The following CHD6 variants were observed in gnomAD, a reference collection of about 807,000 sequenced individuals.
The protein encoded by CHD6 is ATP-dependent chromatin remodeler CHD6.
A neutral mutation model predicts 276.9 loss-of-function variants in CHD6; 50 were observed. The observed-to-expected ratio is 0.18, with a 90% CI of 0.14 to 0.23. CHD6 has a LOEUF of 0.23. CHD6 is among the 10% of genes least tolerant of loss of function. CHD6 has a pLI of 1.00. For missense variants in CHD6, 2,564 were observed against 3,365.8 expected, an observed-to-expected ratio of 0.76 and a Z score of 5.89; for synonymous variants, 1,173 against 1,229.3, an observed-to-expected ratio of 0.95 and a Z score of 0.96.
intron 2 of CHD6, chr20:41,547,916 AACT>A: frequency 3.6e-6 from 1 of 277,664 alleles, no homozygotes; most frequent in Non-Finnish European, 7.1e-6. Context: ...TGGAATGCCC[AACT>A]AGTTAAGAAG....
chr20:41,467,722 A>C (rs151172782), intron 17 of CHD6, among the ~76,000 whole-genome samples: 47 of 152,102 alleles, frequency 3.1e-4, no homozygotes, highest in Non-Finnish European at 6.5e-4. Flanking sequence ...TCTGTCAGAT[A>C]AGTCAGTCAA....
chr20:41,601,058 T>A (rs1178097595), intron 1 of CHD6, among the ~76,000 whole-genome samples: 1 of 152,182 alleles, frequency 6.6e-6, no homozygotes, highest in East Asian at 1.9e-4. Context: ...TTCCAGGAAT[T>A]TTCACTTAAT....
Position 41,415,604 on chromosome 20 carries a change from T to A in CHD6, c.6521A>T (p.Glu2174Val). ...CTCATAGGGACGCCTGTGCTTTTGT[T>A]CATCCTTTGTGAATACTGGAGCTAA... ...SFLAPVFTKD[E>V]QKHRRPYEFE... Residue 2174 changes from glutamate to valine, a missense_variant, in exon 34 of 37, where the codon GAA becomes GTA. Coordinates refer to ENST00000373233, the MANE Select transcript of CHD6 (RefSeq NM_032221.5). 6.2e-7 allele frequency: 1 copy of A among 1,607,720 alleles called. No homozygotes were observed. Among genetic ancestry groups the A allele is most frequent in the South Asian group, 1.1e-5 (1 of 89,948 alleles).
intron 35 of CHD6, among the ~76,000 whole-genome samples, chr20:41,412,599 T>G (rs1367243966): frequency 1.3e-5 from 2 of 152,238 alleles, no homozygotes; most frequent in Non-Finnish European, 2.9e-5. Flanking sequence ...CACTGCTACT[T>G]GCCTGGCTGG....
At chr20:41,410,550 C>T (rs2046811589) in intron 36 of CHD6, among the ~76,000 whole-genome samples, 1 of 152,226 alleles carries the variant, frequency 6.6e-6, no homozygotes, top group South Asian at 2.1e-4. Flanking sequence ...GCAGGAGATA[C>T]ACGGGTGCCC....
intron 7 of CHD6, chr20:41,497,960 C>T: frequency 1.8e-6 from 1 of 545,794 alleles, no homozygotes; most frequent in Non-Finnish European, 3.3e-6. Context: ...GGAGCAAAGG[C>T]TTTAGAGGTT....
In CHD6 at chr20:41,413,420, G is replaced by A; in HGVS notation, c.7035C>T (p.Ala2345=). ...GAATGGATTTCTCGGCTTGGCTGCT[G>A]GCTGCCGTAGCTGGCTCAGGAGCCG... ...ATSAPEPATA[A]SSQAEKSIPS... Residue 2345 remains alanine (A), a synonymous_variant, in exon 35 of 37, where the codon GCC becomes GCT. Transcript: ENST00000373233. 1 of 1,612,052 alleles carries A rather than the reference G, an allele frequency of 6.2e-7. No individual in the cohort carries two copies. The highest frequency in any genetic ancestry group is 8.5e-7 in the Non-Finnish European group (1 of 1,179,910).
In CHD6 at chr20:41,417,242, G is replaced by A. The variant is rs1406084282; in HGVS notation, c.6235C>T (p.Leu2079=). The part of the protein sequence containing the change: ...QEARAPTIAQ[L]LQEKTLYSFS... ...GAATAGAGAGTTTTCTCCTGTAGCA[G>A]CTGAGCAATAGTGGGAGCTCGAGCC... Residue 2079 remains leucine, a synonymous_variant, in exon 32 of 37, where the codon CTG becomes TTG. Transcript: ENST00000373233. 6.2e-7 allele frequency: 1 copy of A among 1,613,968 alleles called. No individual in the cohort carries two copies. The highest frequency in any genetic ancestry group is 1.7e-5 in the Admixed American group (1 of 59,980).
At chr20:41,561,117 T>C (rs1327386273) in intron 1 of CHD6, among the ~76,000 whole-genome samples, 1 of 152,232 alleles carries the variant, frequency 6.6e-6, no homozygotes, top group Non-Finnish European at 1.5e-5. Context: ...AATTCTGCTG[T>C]GATGTGAAAA....
rs1476598406 is a variant in CHD6 at position 41,454,771 on chromosome 20, G to A, written c.3010-35C>T. On this transcript the variant is annotated intron_variant, in intron 19 of 36. Transcript: ENST00000373233. ...AGACAAGAATTAATAAACTGTGCTT[G>A]AACACAATACAAACTAATAAAACAC... 7 of 1,455,316 alleles carry A rather than the reference G, an allele frequency of 4.8e-6. No homozygotes were observed. In the Admixed American group the frequency reaches 6.9e-5, roughly 14 times the overall value. 90.2% of individuals were successfully genotyped at this position (1,455,316 alleles called of 1,614,324 possible).
intron 23 of CHD6, 90 bp downstream of exon 23, chr20:41,450,856 G>A (rs2048216589): frequency 8.4e-7 from 1 of 1,193,882 alleles, no homozygotes; most frequent in African/African-American, 1.5e-5. Context: ...AGTAGCACAA[G>A]AGCATGAAGT....
At chr20:41,522,770 A>G (rs1363390644) in intron 3 of CHD6, among the ~76,000 whole-genome samples, 1 of 152,202 alleles carries the variant, frequency 6.6e-6, no homozygotes, top group East Asian at 1.9e-4. Flanking sequence ...ATTCCACTGC[A>G]GAAGTGGATA....
Position 41,420,589 on chromosome 20 carries a change from C to G in CHD6, c.6046G>C (p.Glu2016Gln), listed in dbSNP as rs1460731684. Reference protein sequence around the residue: ...GQNVFPTYPLEGSELKSEDMD... With the variant: ...GQNVFPTYPLQGSELKSEDMD... ...TCTTCTGATTTGAGCTCACTTCCTT[C>G]AAGAGGATATGTGGGGAAAACGTTT... Residue 2016 changes from glutamate to glutamine, a missense_variant, in exon 31 of 37, where the codon GAA (glutamate) becomes CAA (glutamine). Coordinates refer to ENST00000373233, the MANE Select transcript of CHD6 (RefSeq NM_032221.5). The G allele has an allele frequency of 6.2e-7, 1 of 1,614,192 alleles. No homozygotes were observed. The highest frequency in any genetic ancestry group is 1.7e-5 in the Admixed American group (1 of 60,036).
At chr20:41,467,219 A>T (rs1378926068) in intron 17 of CHD6, among the ~76,000 whole-genome samples, 1 of 152,202 alleles carries the variant, frequency 6.6e-6, no homozygotes, top group Admixed American at 6.5e-5. Flanking sequence ...GATAAGTCCC[A>T]TCACATTTAA....
At chr20:41,549,142 G>C (rs2146138945) in intron 2 of CHD6, among the ~76,000 whole-genome samples, 1 of 151,444 alleles carries the variant, frequency 6.6e-6, no homozygotes, top group East Asian at 2.0e-4. Context: ...CCCATTACTG[G>C]GTATATACCC....
At chr20:41,477,369 C>T (rs2043191188) in intron 16 of CHD6, among the ~76,000 whole-genome samples, 1 of 152,020 alleles carries the variant, frequency 6.6e-6, no homozygotes, top group African/African-American at 2.4e-5. Flanking sequence ...TAATATCTCC[C>T]TATATTTCAT....
chr20:41,462,490 A>G (rs1385596339), intron 17 of CHD6, among the ~76,000 whole-genome samples: 2 of 152,222 alleles, frequency 1.3e-5, no homozygotes, highest in Non-Finnish European at 2.9e-5. Context: ...AAGGTTAGCA[A>G]TCCTGAAACT....
intron 20 of CHD6, 106 bp from the exon 21 acceptor site, chr20:41,453,048 C>G (rs535674592): frequency 4.7e-6 from 4 of 845,068 alleles, no homozygotes; most frequent in Non-Finnish European, 7.8e-6. Context: ...CATGCCCCGT[C>G]TCATCCTCCA....
chr20:41,451,496 G>A (rs1447424979), intron 22 of CHD6, among the ~76,000 whole-genome samples: 3 of 152,216 alleles, frequency 2.0e-5, no homozygotes, highest in Admixed American at 6.5e-5. Context: ...ACAGACAGAG[G>A]TGGGACAGGG....
Sources: gnomAD v4.1 joint callset for allele counts (sites outside exome capture counted in the v4.1 genomes callset) on GRCh38, gnomAD v4.1.1 for gene constraint, MANE v1.5 for transcripts, NCBI Gene and HGNC (gene_info 2026-07-23, HGNC 2026-07-21) for gene names.